CACNA1E: variants seen among roughly 807,000 people sequenced by gnomAD.
CACNA1E encodes calcium voltage-gated channel subunit alpha1 E.
In CACNA1E, 40 loss-of-function variants were observed where a neutral mutation model predicts 259.2. The observed-to-expected ratio is 0.15, with a 90% CI of 0.12 to 0.20. CACNA1E has a LOEUF of 0.20. Among genes scored for constraint, CACNA1E ranks in the 10% least tolerant of loss-of-function variants. The pLI is 1.00. For synonymous variants in CACNA1E, 1,104 were observed against 1,138.5 expected (o/e 0.97, Z 0.61); for missense variants, 1,874 against 3,040.1 (o/e 0.62, Z 9.02).
In CACNA1E at chr1:181,511,858, A is replaced by G. The variant is rs555413443; in HGVS notation, c.512+348A>G. On this transcript the variant is annotated intron_variant, in intron 3 of 47. Coordinates refer to ENST00000367573, the MANE Select transcript of CACNA1E (RefSeq NM_001205293.3). ...TCCCAATGAGCCTTTTCACCAAAGC[A>G]AGCAGCTTACCCCCGCCTGGGAGGC... is the stretch of plus-strand genomic sequence containing the variant. Among the ~76,000 whole-genome samples, 7 of 152,330 alleles carry G rather than the reference A, an allele frequency of 4.6e-5. No individual in the cohort carries two copies. The South Asian group carries it at 1.5e-3, about 32-fold the overall frequency.
At chr1:181,679,390 C>T (rs1489081698) in intron 7 of CACNA1E, among the ~76,000 whole-genome samples, 2 of 152,134 alleles carry the variant, frequency 1.3e-5, no homozygotes, top group Non-Finnish European at 2.9e-5. Flanking sequence ...CCAAAGCTCA[C>T]GTGCTTTGTC....
intron 1 of CACNA1E, among the ~76,000 whole-genome samples, chr1:181,388,716 C>T (rs1656037534): frequency 6.6e-6 from 1 of 152,048 alleles, no homozygotes; most frequent in African/African-American, 2.4e-5. Context: ...TGGAGAAACC[C>T]CGTCTTTACC....
At chr1:181,686,179 A>G (rs576149063) in intron 7 of CACNA1E, among the ~76,000 whole-genome samples, 1 of 150,500 alleles carries the variant, frequency 6.6e-6, no homozygotes, top group Non-Finnish European at 1.5e-5. Context: ...TTTGATTTCC[A>G]TCCTTGTTAT....
chr1:181,660,447 A>T (rs1647534522), intron 7 of CACNA1E, among the ~76,000 whole-genome samples: 1 of 151,742 alleles, frequency 6.6e-6, no homozygotes, highest in Non-Finnish European at 1.5e-5. Flanking sequence ...CCCAAAGCTA[A>T]TTTTTTTTTG....
At chr1:181,605,139 A>T (rs1340194851) in intron 6 of CACNA1E, among the ~76,000 whole-genome samples, 1 of 152,222 alleles carries the variant, frequency 6.6e-6, no homozygotes, top group Non-Finnish European at 1.5e-5. Flanking sequence ...ATGCTCATAC[A>T]TTCACGTGCT....
intron 18 of CACNA1E, among the ~76,000 whole-genome samples, chr1:181,727,570 G>A (rs889319945): frequency 1.3e-5 from 2 of 152,244 alleles, no homozygotes; most frequent in Non-Finnish European, 2.9e-5. Context: ...CAGGGATCTA[G>A]CCTGGACCTG....
intron 7 of CACNA1E, among the ~76,000 whole-genome samples, chr1:181,680,105 CAAAAAAAAAAAAAAAAAAA>C (rs56198008): frequency 2.5e-5 from 2 of 78,506 alleles, no homozygotes; most frequent in African/African-American, 9.4e-5. Context: ...GACCTTGTCT[CAAAAAAAAAAAAAAAAAAA>C]AAAAAAAAAA....
At chr1:181,688,688 T>C (rs528756794) in intron 7 of CACNA1E, among the ~76,000 whole-genome samples, 49 of 152,302 alleles carry the variant, frequency 3.2e-4, no homozygotes, top group Admixed American at 1.2e-3. Context: ...TCAGTAATTG[T>C]CAAATATACA....
At chr1:181,619,097 C>T (rs1655485650) in intron 6 of CACNA1E, among the ~76,000 whole-genome samples, 1 of 152,034 alleles carries the variant, frequency 6.6e-6, no homozygotes, top group Non-Finnish European at 1.5e-5. Flanking sequence ...AATCCCTGCC[C>T]TCATGGAACT....
At chr1:181,750,773 A>G (rs1004436455) in intron 26 of CACNA1E, among the ~76,000 whole-genome samples, 1 of 152,206 alleles carries the variant, frequency 6.6e-6, no homozygotes, top group African/African-American at 2.4e-5. Context: ...TCTGGATGCT[A>G]AAGACCACAT....
chr1:181,418,586 G>A (rs931710134), intron 2 of CACNA1E, among the ~76,000 whole-genome samples: 2 of 152,016 alleles, frequency 1.3e-5, no homozygotes, highest in African/African-American at 4.8e-5. Flanking sequence ...TACATCCATC[G>A]ACATCTCAAG....
intron 2 of CACNA1E, among the ~76,000 whole-genome samples, chr1:181,421,871 A>G (rs1658771825): frequency 6.6e-6 from 1 of 152,198 alleles, no homozygotes; most frequent in African/African-American, 2.4e-5. Flanking sequence ...CTAGAATAAG[A>G]GAATGTGATC....
chr1:181,754,387 A>C (rs1657884061), intron 27 of CACNA1E, among the ~76,000 whole-genome samples: 1 of 152,200 alleles, frequency 6.6e-6, no homozygotes, highest in Admixed American at 6.5e-5. Flanking sequence ...CAAAGAAGCA[A>C]CTGCACAAAT....
chr1:181,504,611 A>G (rs146236665), intron 1 of CACNA1E, among the ~76,000 whole-genome samples: 2 of 152,346 alleles, frequency 1.3e-5, no homozygotes, highest in African/African-American at 4.8e-5. Flanking sequence ...GCTCAGGCAG[A>G]TGAAGAGCTC....
chr1:181,610,159 G>A (rs1218599464), intron 6 of CACNA1E, among the ~76,000 whole-genome samples: 5 of 152,186 alleles, frequency 3.3e-5, no homozygotes, highest in Admixed American at 6.5e-5. Context: ...ACAAGAGAAA[G>A]GATAAAAGCC....
At chr1:181,545,011 C>A in intron 3 of CACNA1E, among the ~76,000 whole-genome samples, 1 of 152,242 alleles carries the variant, frequency 6.6e-6, no homozygotes, top group Middle Eastern at 3.4e-3. Context: ...GGCCCTACCC[C>A]CAGAGGGTAA....
At chr1:181,410,334 C>T (rs1174138469) in intron 1 of CACNA1E, among the ~76,000 whole-genome samples, 1 of 152,186 alleles carries the variant, frequency 6.6e-6, no homozygotes, top group Non-Finnish European at 1.5e-5. Flanking sequence ...CCTTATCTTC[C>T]TTCTCCCTGA....
At chr1:181,413,037 C>G (rs1657977322) in intron 1 of CACNA1E, 3 of 152,968 alleles carry the variant, frequency 2.0e-5, no homozygotes, top group Admixed American at 1.3e-4. Flanking sequence ...CCATTAACCT[C>G]TTTCTTTCTC....
Position 181,733,506 on chromosome 1 carries a change from A to T in CACNA1E, c.3018A>T (p.Leu1006=). Residue 1006 remains leucine (L), a synonymous_variant, in exon 21 of 48, where the codon CTA becomes CTT. Transcript: ENST00000367573. ...AGGLDEADTP[L]VLPHPELEVG... ...GCCTTGATGAGGCTGACACCCCCCT[A>T]GTCCTGCCCCATCCTGAGCTGGAAG... 1 of 1,601,638 alleles carries T rather than the reference A, an allele frequency of 6.2e-7. No homozygotes were observed. The highest frequency in any genetic ancestry group is 1.1e-5 in the South Asian group (1 of 88,836).
Sources: allele counts gnomAD v4.1 joint callset (sites outside exome capture counted in the v4.1 genomes callset), GRCh38; gene constraint gnomAD v4.1.1; transcripts MANE v1.5; gene names NCBI Gene and HGNC (gene_info 2026-07-23, HGNC 2026-07-21).